Variants in RPS8 observed in about 807,000 individuals in gnomAD.
RPS8 encodes the protein small ribosomal subunit protein eS8.
For synonymous variants in RPS8, 100 were observed against 100.7 expected (o/e 0.99, Z 0.04); for missense variants, 141 against 269.7 (o/e 0.52, Z 3.34).
At chr1:44,777,340 G>C in intron 3 of RPS8, 1 of 386,252 alleles carries the variant, frequency 2.6e-6, no homozygotes, top group Non-Finnish European at 4.7e-6. Flanking sequence ...CAAAGTGCTG[G>C]GGTTACGGGC....
At chr1:44,775,731 C>CGAAACCCGAGGGCCACCA in intron 1 of RPS8, 131 bp downstream of exon 1, 1 of 1,273,808 alleles carries the variant, frequency 7.9e-7, no homozygotes, top group Non-Finnish European at 1.1e-6. Flanking sequence ...GAGTGGTGGC[C>CGAAACCCGAGGGCCACCA]CTCGGGTTTC....
At chr1:44,777,101 G>A (rs1345972301) in intron 3 of RPS8, 3 of 242,660 alleles carry the variant, frequency 1.2e-5, no homozygotes, top group Admixed American at 1.0e-4. Flanking sequence ...TTGAGATTGG[G>A]TCTCTGTTGC....
At chr1:44,777,826 C>A in intron 4 of RPS8, 37 bp downstream of exon 4, 2 of 1,604,720 alleles carry the variant, frequency 1.2e-6, no homozygotes, top group African/African-American at 1.3e-5. Flanking sequence ...GTGGGGAGGG[C>A]AGCCTGACTC....
chr1:44,775,788 G>C (rs1486879994), intron 1 of RPS8, 188 bp downstream of exon 1: 6 of 881,384 alleles, frequency 6.8e-6, no homozygotes, highest in Non-Finnish European at 1.1e-5. Context: ...TGGGCTCCGG[G>C]TTCCGGGCCG....
intron 2 of RPS8, 101 bp downstream of exon 2, chr1:44,776,241 C>T: frequency 2.5e-6 from 2 of 806,018 alleles, no homozygotes; most frequent in East Asian, 2.7e-5. Flanking sequence ...CTTTCTTGGG[C>T]TCTGATTTCT....
chr1:44,775,938 C>G, intron 1 of RPS8, 96 bp from the exon 2 acceptor site: 1 of 1,137,432 alleles, frequency 8.8e-7, no homozygotes, highest in African/African-American at 1.5e-5. Flanking sequence ...GAGAGCTGAG[C>G]GTGCGACCGG....
chr1:44,776,294 ATAAG>A (rs1337553373), intron 2 of RPS8, among the ~76,000 whole-genome samples, 154 bp downstream of exon 2: 3 of 152,234 alleles, frequency 2.0e-5, no homozygotes, highest in Admixed American at 1.3e-4. Flanking sequence ...TAGCTGTTGG[ATAAG>A]TAAGTACCAA....
In RPS8 at chr1:44,776,549, G is replaced by A. The variant is rs755863191; in HGVS notation, c.112-126G>A. The A allele has an allele frequency of 1.8e-5, 15 of 833,284 alleles. No individual in the cohort carries two copies. The Admixed American group carries it at 2.5e-4, about 14-fold the overall frequency. The allele number at this position is 833,284 out of a possible 1,614,324, so 51.6% of individuals were successfully genotyped here. A position where few individuals can be genotyped will look rare whatever the true frequency, so the allele number is the denominator to read the frequency against. ...TTGTGGCCGTCTTGGTCACCTGTGT[G>A]CCACTTGCCAATGCAAGGACTTGTC... On this transcript the variant is annotated intron_variant, in intron 2 of 5. Transcript: ENST00000396651.
At chr1:44,776,841 G>C in intron 3 of RPS8, 67 bp downstream of exon 3, 1 of 1,263,190 alleles carries the variant, frequency 7.9e-7, no homozygotes, top group East Asian at 2.4e-5. Flanking sequence ...CACCAAGTGG[G>C]CCTGGCGCGG....
chr1:44,778,328 G>A, intron 5 of RPS8, 199 bp downstream of exon 5: 1 of 831,658 alleles, frequency 1.2e-6, no homozygotes, highest in Non-Finnish European at 2.1e-6. Context: ...AGAAGAGTCT[G>A]CATAGGCCCG....
In RPS8 at chr1:44,778,084, A is replaced by T. The variant is rs1462164628; in HGVS notation, c.472A>T (p.Ile158Phe). ...TGATGAAAGGAAAAAGAATGCCAAA[A>T]TCAGCAGTCTCCTGGAGGAGCAGTT... ...KYDERKKNAK[I>F]SSLLEEQFQQ... Residue 158 changes from isoleucine to phenylalanine, a missense_variant, in exon 5 of 6, where the codon ATC becomes TTC. Ile to Phe is a conservative substitution (Grantham distance 21). Coordinates refer to ENST00000396651, the MANE Select transcript of RPS8 (RefSeq NM_001012.2). 9.3e-6 allele frequency: 15 copies of T among 1,606,248 alleles called. No individual in the cohort carries two copies. The highest frequency in any genetic ancestry group is 1.2e-5 in the Non-Finnish European group (14 of 1,175,858).
intron 2 of RPS8, 171 bp from the exon 3 acceptor site, chr1:44,776,504 A>G (rs1473417864): frequency 2.6e-6 from 2 of 770,956 alleles, no homozygotes; most frequent in South Asian, 2.7e-5. Flanking sequence ...AGGGTGATGA[A>G]AAAGAATCCT....
intron 5 of RPS8, 63 bp downstream of exon 5, chr1:44,778,192 C>T: frequency 6.3e-7 from 1 of 1,582,686 alleles, no homozygotes; most frequent in East Asian, 2.2e-5. Flanking sequence ...AGGCACTTTT[C>T]CCTTGTCTCA....
In RPS8 at chr1:44,776,044, G is replaced by A. The variant is rs1278234542; in HGVS notation, c.15G>A (p.Arg5=). The change falls in exon 2 of 6, where the codon CGG becomes CGA. Residue 5 remains arginine, a synonymous_variant. Coordinates refer to ENST00000396651, the MANE Select transcript of RPS8 (RefSeq NM_001012.2). ...CGCTTCCACATGCAGGCATCTCTCG[G>A]GACAACTGGCACAAGCGCCGCAAAA... MGIS[R]DNWHKRRKTG... is the part of the protein sequence containing the mutation. 11 of 1,612,696 alleles carry A rather than the reference G, an allele frequency of 6.8e-6. No individual in the cohort carries two copies. The highest frequency in any genetic ancestry group is 9.3e-6 in the Non-Finnish European group (11 of 1,179,616).
rs116078889 is a variant in RPS8 at position 44,776,185 on chromosome 1, C to T, written c.111+45C>T. 9,987 of 1,393,398 alleles carry T rather than the reference C, an allele frequency of 7.2e-3. 52 individuals are homozygous for T. Among genetic ancestry groups the T allele is most frequent in the Non-Finnish European group, 8.3e-3 (8,416 of 1,015,298 alleles). 86.3% of individuals were successfully genotyped at this position (1,393,398 alleles called of 1,614,324 possible). A position where few individuals can be genotyped will look rare whatever the true frequency, so the allele number is the denominator to read the frequency against. On this transcript the variant is annotated intron_variant, in intron 2 of 5. Transcript: ENST00000396651. ...TGTCCGCCTGGGAGGTCGCCTTCCC[C>T]CGCTCTCCAGCGTGCTCGGGTCTTT...
In RPS8 at chr1:44,776,793, G is replaced by A. The variant is rs376448784; in HGVS notation, c.211+19G>A. On this transcript the variant is annotated intron_variant, in intron 3 of 5. Transcript: ENST00000396651. ...TCAGAGTGTGAGTGAGGCCCTTTGG[G>A]AGTGGGTGGGAAAACGCACCTAAAC... 1.3e-6 allele frequency: 2 copies of A among 1,560,794 alleles called. No individual in the cohort carries two copies. Among genetic ancestry groups the A allele is most frequent in the African/African-American group, 2.8e-5 (2 of 72,528 alleles).
At chr1:44,778,434 T>C (rs1051737019) in intron 5 of RPS8, 142 bp from the exon 6 acceptor site, 1 of 822,180 alleles carries the variant, frequency 1.2e-6, no homozygotes, top group African/African-American at 1.7e-5. Context: ...TGACAGTAAG[T>C]GAAGATAAAG....
In RPS8 at chr1:44,778,595, G is replaced by A. The variant is rs11537871; in HGVS notation, c.537G>A (p.Pro179=). The A allele has an allele frequency of 1.1e-5, 18 of 1,613,766 alleles. No homozygotes were observed. The highest frequency in any genetic ancestry group is 1.7e-4 in the Middle Eastern group (1 of 6,028). ...GKLLACIASR[P]GQCGRADGYV... The stretch of plus-strand genomic sequence containing the variant: ...TTGCAGCGTGCATCGCTTCAAGGCC[G>A]GGACAGTGTGGCCGAGCAGATGGCT... Residue 179 remains proline (P), a synonymous_variant, in exon 6 of 6, where the codon CCG becomes CCA. Transcript: ENST00000396651.
intron 4 of RPS8, 92 bp downstream of exon 4, chr1:44,777,881 G>A: frequency 1.9e-6 from 3 of 1,578,156 alleles, no homozygotes; most frequent in Non-Finnish European, 2.6e-6. Context: ...GCTACTGAAG[G>A]GAGAGAGATG....
Sources: allele counts gnomAD v4.1 joint callset (sites outside exome capture counted in the v4.1 genomes callset), GRCh38; gene constraint gnomAD v4.1.1; transcripts MANE v1.5; gene names NCBI Gene and HGNC (gene_info 2026-07-23, HGNC 2026-07-21).